ATXN1: variants seen among roughly 807,000 people sequenced by gnomAD.
ATXN1 encodes the protein ataxin 1.
In ATXN1, 8 loss-of-function variants were observed where a neutral mutation model predicts 56.4. That is an observed-to-expected ratio of 0.14 (90% CI 0.08 to 0.26). The LOEUF (loss-of-function observed/expected upper bound fraction) is 0.26, where lower values mean the gene tolerates loss of function less well. ATXN1 is among the 10% of genes least tolerant of loss of function. The probability of loss-of-function intolerance (pLI) is 1.00; values close to 1 mark genes in which losing one functional copy is unlikely to be tolerated. For synonymous variants in ATXN1, 514 were observed against 494.6 expected (o/e 1.04, Z -0.52); for missense variants, 987 against 1,106.5 (o/e 0.89, Z 1.53).
chr6:16,550,152 A>AT (rs1452729313), intron 4 of ATXN1, among the ~76,000 whole-genome samples: 1 of 132,656 alleles, frequency 7.5e-6, no homozygotes, highest in Non-Finnish European at 1.6e-5. Flanking sequence ...AATAAATAAA[A>AT]TACAAAAAAA....
At chr6:16,485,759 T>C (rs1760531248) in intron 6 of ATXN1, 1 of 152,180 alleles carries the variant, frequency 6.6e-6, no homozygotes, top group Non-Finnish European at 1.5e-5. Flanking sequence ...CAGCATGCCA[T>C]AGAAGCCGAG....
chr6:16,416,295 A>C (rs1758907267), intron 6 of ATXN1, among the ~76,000 whole-genome samples: 1 of 152,224 alleles, frequency 6.6e-6, no homozygotes, highest in African/African-American at 2.4e-5. Context: ...GATTAAATTA[A>C]TGTAAAATGT....
intron 2 of ATXN1, among the ~76,000 whole-genome samples, chr6:16,668,180 T>C (rs1758469974): frequency 6.6e-6 from 1 of 152,214 alleles, no homozygotes; most frequent in East Asian, 1.9e-4. Context: ...CATGTTTTTT[T>C]TGTTTTTGTT....
intron 4 of ATXN1, among the ~76,000 whole-genome samples, chr6:16,571,828 G>C (rs1762337405): frequency 6.6e-6 from 1 of 151,936 alleles, no homozygotes; most frequent in Non-Finnish European, 1.5e-5. Flanking sequence ...GCTCAGCTAA[G>C]TTTTAAATTT....
At chr6:16,735,706 T>G (rs1334937534) in intron 2 of ATXN1, among the ~76,000 whole-genome samples, 2 of 152,162 alleles carry the variant, frequency 1.3e-5, no homozygotes, top group Non-Finnish European at 2.9e-5. Flanking sequence ...TCCTAATATC[T>G]TACATTGACA....
At chr6:16,554,908 C>T (rs1036726294) in intron 4 of ATXN1, among the ~76,000 whole-genome samples, 1 of 152,220 alleles carries the variant, frequency 6.6e-6, no homozygotes, top group Non-Finnish European at 1.5e-5. Context: ...CAGCCTTTAA[C>T]GACTCTCCAT....
At chr6:16,517,532 A>G (rs1007069883) in intron 5 of ATXN1, among the ~76,000 whole-genome samples, 1 of 152,238 alleles carries the variant, frequency 6.6e-6, no homozygotes, top group Non-Finnish European at 1.5e-5. Flanking sequence ...ATATTATCAT[A>G]TACTGAGCAC....
chr6:16,531,723 A>G (rs1190109851), intron 4 of ATXN1, among the ~76,000 whole-genome samples: 2 of 152,202 alleles, frequency 1.3e-5, no homozygotes, highest in African/African-American at 2.4e-5. Flanking sequence ...CATTGCCCCA[A>G]TCAAAAAACA....
chr6:16,725,641 T>A (rs745927017), intron 2 of ATXN1, among the ~76,000 whole-genome samples: 10 of 152,232 alleles, frequency 6.6e-5, no homozygotes, highest in Non-Finnish European at 1.2e-4. Context: ...AATAATCACT[T>A]GCACTCATTG....
intron 2 of ATXN1, chr6:16,737,326 T>G (rs187942427): frequency 2.0e-5 from 3 of 152,338 alleles, no homozygotes; most frequent in Non-Finnish European, 4.4e-5. Flanking sequence ...GCTTAATTAT[T>G]TTTAAACAGC....
intron 4 of ATXN1, among the ~76,000 whole-genome samples, chr6:16,570,449 C>T (rs1762312309): frequency 6.6e-6 from 1 of 152,062 alleles, no homozygotes; most frequent in African/African-American, 2.4e-5. Flanking sequence ...TTTTCTCCTT[C>T]CCAAGAAGGT....
chr6:16,518,504 A>C (rs185767867), intron 5 of ATXN1, among the ~76,000 whole-genome samples: 34 of 152,264 alleles, frequency 2.2e-4, no homozygotes, highest in East Asian at 7.7e-4. Context: ...GGCAGGTGTC[A>C]AGTTAGCTCA....
intron 6 of ATXN1, among the ~76,000 whole-genome samples, chr6:16,395,194 C>T (rs1026288279): frequency 7.1e-6 from 1 of 140,108 alleles, no homozygotes; most frequent in Non-Finnish European, 1.5e-5. Flanking sequence ...CACTTGAACC[C>T]GGGAGGTGGA....
chr6:16,604,771 G>T (rs1762973980), intron 3 of ATXN1, among the ~76,000 whole-genome samples: 1 of 151,206 alleles, frequency 6.6e-6, no homozygotes, highest in South Asian at 2.1e-4. Context: ...AAAAAATGTA[G>T]AGATGAGGCC....
chr6:16,659,152 C>G (rs949612558), intron 2 of ATXN1, among the ~76,000 whole-genome samples: 1 of 152,116 alleles, frequency 6.6e-6, no homozygotes, highest in Non-Finnish European at 1.5e-5. Context: ...TGAGATAATG[C>G]CATTCAATTT....
At chr6:16,749,430 A>T (rs145702267) in intron 2 of ATXN1, among the ~76,000 whole-genome samples, 35 of 152,358 alleles carry the variant, frequency 2.3e-4, no homozygotes, top group African/African-American at 7.2e-4. Flanking sequence ...GCTGAATTTC[A>T]AACGCAGCAT....
intron 6 of ATXN1, among the ~76,000 whole-genome samples, chr6:16,414,911 G>T (rs1238484295): frequency 6.6e-6 from 1 of 152,142 alleles, no homozygotes; most frequent in East Asian, 1.9e-4. Flanking sequence ...CTATAGATTT[G>T]TGTTCAGCAC....
At chr6:16,447,800 T>C (rs1390210977) in intron 6 of ATXN1, among the ~76,000 whole-genome samples, 1 of 152,232 alleles carries the variant, frequency 6.6e-6, no homozygotes, top group Non-Finnish European at 1.5e-5. Flanking sequence ...CTTGTAGCTT[T>C]TAAACTTATT....
chr6:16,546,879 A>AT, intron 4 of ATXN1, among the ~76,000 whole-genome samples: 1 of 152,360 alleles, frequency 6.6e-6, no homozygotes, highest in South Asian at 2.1e-4. Flanking sequence ...TATTTTTCAC[A>AT]TAAAAATTAG....
Sources: gnomAD v4.1 joint callset for allele counts (sites outside exome capture counted in the v4.1 genomes callset) on GRCh38, gnomAD v4.1.1 for gene constraint, MANE v1.5 for transcripts, NCBI Gene and HGNC (gene_info 2026-07-23, HGNC 2026-07-21) for gene names.